The following IGF1 variants were observed in gnomAD, a reference collection of about 807,000 sequenced individuals.
The protein encoded by IGF1 is insulin-like growth factor 1.
Under a neutral mutation model 13.8 loss-of-function variants are expected in IGF1, and 4 were observed. The observed-to-expected ratio is 0.29, with a 90% CI of 0.14 to 0.66. The LOEUF (loss-of-function observed/expected upper bound fraction) is 0.66, where lower values mean the gene tolerates loss of function less well. Ranked by LOEUF, IGF1 falls within the 30% of genes least tolerant of loss-of-function variation. IGF1 has a pLI of 0.78. For synonymous variants in IGF1, 76 were observed against 72.6 expected, an observed-to-expected ratio of 1.05 and a Z score of -0.23; for missense variants, 124 against 188.5, an observed-to-expected ratio of 0.66 and a Z score of 2.00.
chr12:102,454,689 T>C (rs1879242532), intron 2 of IGF1, among the ~76,000 whole-genome samples: 1 of 152,194 alleles, frequency 6.6e-6, no homozygotes, highest in Non-Finnish European at 1.5e-5. Flanking sequence ...GCCAGTAGAG[T>C]TATCCAATGT....
intron 3 of IGF1, among the ~76,000 whole-genome samples, chr12:102,409,009 T>A (rs1874410110): frequency 6.6e-6 from 1 of 152,168 alleles, no homozygotes; most frequent in Non-Finnish European, 1.5e-5. Flanking sequence ...ATGCATCTGG[T>A]TTAAATCCTA....
At position 102,478,639 on chromosome 12, in the gene IGF1, C is replaced by G. The variant is rs573200814; in HGVS notation, c.63+1680G>C. The G allele has an allele frequency of 4.8e-4, 700 of 1,452,810 alleles. 2 individuals are homozygous for G. The highest frequency in any genetic ancestry group is 4.3e-3 in the Middle Eastern group (24 of 5,616). 90.0% of individuals were successfully genotyped at this position (1,452,810 alleles called of 1,614,324 possible). Reference sequence around the variant, plus strand: ...AAGCATCTAGTTACATTTGGACACCCAGGCAGGTATGCTATTATGAGCCTG... The same window carrying G: ...AAGCATCTAGTTACATTTGGACACCGAGGCAGGTATGCTATTATGAGCCTG... On this transcript the variant is annotated intron_variant, in intron 1 of 3. Transcript: ENST00000337514.
At chr12:102,471,246 T>A (rs1592831972) in intron 2 of IGF1, among the ~76,000 whole-genome samples, 1 of 152,186 alleles carries the variant, frequency 6.6e-6, no homozygotes, top group Admixed American at 6.5e-5. Context: ...AGGTTGTTCT[T>A]TCTTGAATAG....
chr12:102,422,794 G>C (rs1875849207), intron 2 of IGF1, among the ~76,000 whole-genome samples: 1 of 152,180 alleles, frequency 6.6e-6, no homozygotes, highest in Non-Finnish European at 1.5e-5. Context: ...TTTGCCTTGA[G>C]AAACTCTTCA....
intron 3 of IGF1, among the ~76,000 whole-genome samples, chr12:102,406,177 C>T (rs1874137177): frequency 6.6e-6 from 1 of 152,346 alleles, no homozygotes; most frequent in Non-Finnish European, 1.5e-5. Flanking sequence ...TCACATGTGA[C>T]TTCTTTGTTG....
intron 2 of IGF1, among the ~76,000 whole-genome samples, chr12:102,431,160 C>A (rs1876706587): frequency 6.6e-6 from 1 of 152,196 alleles, no homozygotes; most frequent in African/African-American, 2.4e-5. Flanking sequence ...GTCAGAATAA[C>A]TACACATACC....
intron 2 of IGF1, among the ~76,000 whole-genome samples, chr12:102,440,635 A>G (rs1366605338): frequency 1.3e-5 from 2 of 152,106 alleles, no homozygotes; most frequent in Non-Finnish European, 2.9e-5. Flanking sequence ...CTAAAATCCT[A>G]TCTTTGGTAG....
At chr12:102,444,249 T>C (rs1487813024) in intron 2 of IGF1, among the ~76,000 whole-genome samples, 1 of 144,110 alleles carries the variant, frequency 6.9e-6, no homozygotes, top group Non-Finnish European at 1.5e-5. Flanking sequence ...CCCAATTTCC[T>C]TTTTTTTTTT....
chr12:102,481,042 G>A (rs1212852765), upstream of IGF1, among the ~76,000 whole-genome samples: 1 of 152,156 alleles, frequency 6.6e-6, no homozygotes, highest in African/African-American at 2.4e-5. Context: ...AAGTAGATTG[G>A]AAGACAGCAC....
At position 102,397,689 on chromosome 12, in the gene IGF1, C is replaced by G. The variant is rs1024940718; in HGVS notation, c.*4818G>C. 3 of 152,184 alleles carry G rather than the reference C, an allele frequency of 2.0e-5. No homozygotes were observed. Among genetic ancestry groups the G allele is most frequent in the East Asian group, 1.9e-4 (1 of 5,194 alleles). 9.4% of individuals were successfully genotyped at this position (152,184 alleles called of 1,614,324 possible). On this transcript the variant is annotated 3_prime_UTR_variant, in exon 4 of 4. Coordinates refer to ENST00000337514, the MANE Select transcript of IGF1 (RefSeq NM_000618.5). ...AACATTTTCCTTTTGTTGTTGCCCCCCTACCAGATCTGGACTTTATGGTCT... is the reference window on the plus strand; with the variant it reads ...AACATTTTCCTTTTGTTGTTGCCCCGCTACCAGATCTGGACTTTATGGTCT...
At chr12:102,462,200 A>G (rs1308355060) in intron 2 of IGF1, among the ~76,000 whole-genome samples, 3 of 152,238 alleles carry the variant, frequency 2.0e-5, no homozygotes, top group African/African-American at 7.2e-5. Flanking sequence ...CAAACCAATT[A>G]GCCCGTTGTA....
At position 102,396,578 on chromosome 12, in the gene IGF1, C is replaced by T; in HGVS notation, c.*5929G>A. ...ATTTTAGAGCTCTGTTTTTATTTTT[C>T]CTACTTTACATCAGTGCATTTTGGG... is the stretch of plus-strand genomic sequence containing the variant. On this transcript the variant is annotated 3_prime_UTR_variant, in exon 4 of 4. Transcript: ENST00000337514. 3.5e-6 allele frequency: 1 copy of T among 287,216 alleles called. No individual in the cohort carries two copies. The highest frequency in any genetic ancestry group is 6.4e-6 in the Non-Finnish European group (1 of 156,948). The allele number at this position is 287,216 out of a possible 1,614,324, so 17.8% of individuals were successfully genotyped here.
chr12:102,475,707 C>T lies in IGF1; in HGVS notation c.156G>A (p.Thr52=), dbSNP rs3729846. 622 of 1,614,208 alleles carry T rather than the reference C, an allele frequency of 3.9e-4. 1 individual carries two copies. In the African/African-American group the frequency reaches 7.7e-3, roughly 20 times the overall value. Residue 52 remains threonine (T), a synonymous_variant, in exon 2 of 4, where the codon ACG becomes ACA. Coordinates refer to ENST00000337514, the MANE Select transcript of IGF1 (RefSeq NM_000618.5). ...CATCCACCAGCTCAGCCCCGCAGAG[C>T]GTCTCCGGTCCAGCCGTGGCAGAGC... is the stretch of plus-strand genomic sequence containing the variant. The part of the protein sequence containing the change: ...FTSSATAGPE[T]LCGAELVDAL...
rs141726062 is a variant in IGF1, at chr12:102,480,214, C to G, written c.63+105G>C. On this transcript the variant is annotated intron_variant, in intron 1 of 3. Coordinates refer to ENST00000337514, the MANE Select transcript of IGF1 (RefSeq NM_000618.5). ...GCAATTTATAAATAACTCTCGGTTC[C>G]GAAACAATGAAAATTTTAAAGTGAA... 4.4e-6 allele frequency: 5 copies of G among 1,138,532 alleles called. No homozygotes were observed. In the Admixed American group the frequency reaches 5.6e-5, roughly 13 times the overall value. The allele number at this position is 1,138,532 out of a possible 1,614,324, so 70.5% of individuals were successfully genotyped here. A position where few individuals can be genotyped will look rare whatever the true frequency, so the allele number is the denominator to read the frequency against.
chr12:102,404,377 T>C (rs1039257573), intron 3 of IGF1, among the ~76,000 whole-genome samples: 5 of 152,200 alleles, frequency 3.3e-5, no homozygotes, highest in Non-Finnish European at 7.3e-5. Flanking sequence ...ATAATACCTA[T>C]TGGCCAAGGC....
At position 102,430,850 on chromosome 12, in the gene IGF1, C is replaced by T. The variant is rs887338685; in HGVS notation, c.221-11160G>A. On this transcript the variant is annotated intron_variant, in intron 2 of 3. Transcript: ENST00000337514. ...GAGATCTGCCTTTGGCAGTCATTTC[C>T]CTCAGTTGGACTCTGAGCCATCACA... Among the ~76,000 whole-genome samples, 3 of 152,296 alleles carry T rather than the reference C, an allele frequency of 2.0e-5. No homozygotes were observed. The South Asian group carries it at 6.2e-4, about 32-fold the overall frequency.
At chr12:102,430,630 G>A (rs1322029048) in intron 2 of IGF1, among the ~76,000 whole-genome samples, 1 of 152,214 alleles carries the variant, frequency 6.6e-6, no homozygotes, top group African/African-American at 2.4e-5. Flanking sequence ...GTAAAAAGCA[G>A]GCTGCTGGTT....
At chr12:102,456,958 T>A (rs1241625827) in intron 2 of IGF1, among the ~76,000 whole-genome samples, 1 of 152,148 alleles carries the variant, frequency 6.6e-6, no homozygotes, top group Non-Finnish European at 1.5e-5. Context: ...TTTCTAAGAA[T>A]TTTGTGGCAA....
chr12:102,452,481 C>A (rs1879051169), intron 2 of IGF1, among the ~76,000 whole-genome samples: 1 of 152,196 alleles, frequency 6.6e-6, no homozygotes, highest in South Asian at 2.1e-4. Context: ...AAAATAGATG[C>A]TCAGTAAATA....
Sources: allele counts gnomAD v4.1 joint callset (sites outside exome capture counted in the v4.1 genomes callset), GRCh38; gene constraint gnomAD v4.1.1; transcripts MANE v1.5; gene names NCBI Gene and HGNC (gene_info 2026-07-23, HGNC 2026-07-21).